The following DAPK2 variants were observed in gnomAD, a reference collection of about 807,000 sequenced individuals.
DAPK2 encodes the protein death associated protein kinase 2.
A neutral mutation model predicts 44.1 loss-of-function variants in DAPK2; 35 were observed. The observed-to-expected ratio is 0.79, with a 90% CI of 0.61 to 1.05. DAPK2 has a LOEUF of 1.05. DAPK2 is among the 50% of genes least tolerant of loss of function. The pLI, the probability that DAPK2 is intolerant of heterozygous loss-of-function variation, is 0.00. For missense variants in DAPK2, 453 were observed against 483.2 expected, an observed-to-expected ratio of 0.94 and a Z score of 0.59; for synonymous variants, 174 against 182.6, an observed-to-expected ratio of 0.95 and a Z score of 0.38.
intron 1 of DAPK2, among the ~76,000 whole-genome samples, chr15:64,033,956 C>T (rs570400549): frequency 2.0e-5 from 3 of 151,934 alleles, no homozygotes; most frequent in African/African-American, 7.2e-5. Flanking sequence ...CAAAGTCTAC[C>T]TGTGGGGTGT....
intron 1 of DAPK2, among the ~76,000 whole-genome samples, chr15:64,029,511 G>A (rs1055368106): frequency 1.3e-5 from 2 of 152,154 alleles, no homozygotes; most frequent in African/African-American, 4.8e-5. Flanking sequence ...CAGGGTGATA[G>A]CTTCCTCCTC....
intron 6 of DAPK2, 40 bp from the exon 8 acceptor site, chr15:63,926,133 G>T (rs1412384492): frequency 6.4e-7 from 1 of 1,568,210 alleles, no homozygotes; most frequent in South Asian, 1.2e-5. Flanking sequence ...CTAAGGGAAA[G>T]TAGGTGGAAA....
chr15:64,006,663 G>A (rs190367689), intron 1 of DAPK2, among the ~76,000 whole-genome samples: 2 of 152,286 alleles, frequency 1.3e-5, no homozygotes, highest in African/African-American at 4.8e-5. Context: ...TGGGGAAACT[G>A]AGGCCTAGCA....
upstream of DAPK2, among the ~76,000 whole-genome samples, chr15:64,043,698 T>A (rs1391016529): frequency 6.6e-6 from 1 of 152,220 alleles, no homozygotes; most frequent in African/African-American, 2.4e-5. Flanking sequence ...TTGTATGTGA[T>A]CAAAATTTTA....
intron 3 of DAPK2, among the ~76,000 whole-genome samples, chr15:63,960,294 A>G (rs2077854967): frequency 6.6e-6 from 1 of 152,152 alleles, no homozygotes. Context: ...ATCTTTTCAA[A>G]AAACCAGCTC....
upstream of DAPK2, among the ~76,000 whole-genome samples, chr15:64,044,827 C>T (rs1355309134): frequency 6.6e-6 from 1 of 152,188 alleles, no homozygotes; most frequent in Non-Finnish European, 1.5e-5. Flanking sequence ...GGGACCACAG[C>T]AAGAGGGCAG....
In DAPK2 at chr15:64,046,192, G is replaced by C. The variant is rs1293389333; in HGVS notation, c.-7+106C>G. ...GGCGGCGGGCCCGGGATCTGCGAGC[G>C]AGTGCCCCGGATCTCTTCGCCCCGC... On this transcript the variant is annotated intron_variant, in intron 1 of 11. Transcript: ENST00000457488. The surrounding 1 kb of genome is among the most constrained non-coding windows in gnomAD (Gnocchi z 5.3). The C allele has an allele frequency of 8.3e-6, 3 of 361,858 alleles. No homozygotes were observed. The highest frequency in any genetic ancestry group is 2.2e-4 in the South Asian group (2 of 9,268). The allele number at this position is 361,858 out of a possible 1,614,324, so 22.4% of individuals were successfully genotyped here. A position where few individuals can be genotyped will look rare whatever the true frequency, so the allele number is the denominator to read the frequency against.
chr15:63,944,136 A>G (rs1344347719), intron 3 of DAPK2, among the ~76,000 whole-genome samples: 2 of 152,012 alleles, frequency 1.3e-5, no homozygotes, highest in Non-Finnish European at 2.9e-5. Context: ...CAGGGCGAAC[A>G]CCCAAGCTGG....
At chr15:63,992,914 C>G (rs770172053) in intron 1 of DAPK2, among the ~76,000 whole-genome samples, 18 of 152,184 alleles carry the variant, frequency 1.2e-4, no homozygotes, top group Non-Finnish European at 2.1e-4. Context: ...GGAGACAGAA[C>G]CAAAGGATAA....
At chr15:63,936,482 G>A (rs1477823834) in intron 4 of DAPK2, among the ~76,000 whole-genome samples, 2 of 152,070 alleles carry the variant, frequency 1.3e-5, no homozygotes, top group African/African-American at 4.8e-5. Context: ...GTGGTGGTGG[G>A]TGCCTGTAAT....
At chr15:63,967,096 C>T (rs963505569) in intron 3 of DAPK2, among the ~76,000 whole-genome samples, 4 of 152,176 alleles carry the variant, frequency 2.6e-5, no homozygotes, top group South Asian at 2.1e-4. Context: ...AGAAGAATGG[C>T]GTGAACCTGG....
intron 3 of DAPK2, among the ~76,000 whole-genome samples, chr15:63,949,310 T>C (rs1336619389): frequency 6.6e-6 from 1 of 152,236 alleles, no homozygotes; most frequent in Non-Finnish European, 1.5e-5. Flanking sequence ...TCTGTCTCTA[T>C]ACTCTCATGG....
intron 2 of DAPK2, among the ~76,000 whole-genome samples, chr15:63,975,769 T>C (rs974676331): frequency 1.3e-5 from 2 of 152,136 alleles, no homozygotes; most frequent in Non-Finnish European, 2.9e-5. Flanking sequence ...CAGCTAATTT[T>C]TGTATTTTTA....
At chr15:63,915,578 T>G (rs1318724927) in intron 8 of DAPK2, among the ~76,000 whole-genome samples, 2 of 152,166 alleles carry the variant, frequency 1.3e-5, no homozygotes, top group African/African-American at 4.8e-5. Flanking sequence ...CTTGCAGGTG[T>G]GGGGAATCTC....
At chr15:63,922,219 C>G in intron 8 of DAPK2, 2 of 926,008 alleles carry the variant, frequency 2.2e-6, no homozygotes, top group Non-Finnish European at 2.6e-6. Flanking sequence ...ATTTGTCAGA[C>G]ATGAGTGCTT....
At chr15:63,920,162 G>A (rs373444821) in intron 8 of DAPK2, 17 of 152,234 alleles carry the variant, frequency 1.1e-4, no homozygotes, top group African/African-American at 4.1e-4. Context: ...GGAGAGGATA[G>A]TACTGTTTTT....
Position 64,046,233 on chromosome 15 carries a change from G to A in DAPK2, c.-7+65C>T, listed in dbSNP as rs2080459269. 1.4e-6 allele frequency: 1 copy of A among 700,040 alleles called. No homozygotes were observed. The highest frequency in any genetic ancestry group is 1.8e-6 in the Non-Finnish European group (1 of 568,978). The allele number at this position is 700,040 out of a possible 1,614,324, so 43.4% of individuals were successfully genotyped here. On this transcript the variant is annotated intron_variant, in intron 1 of 11. Coordinates refer to the DAPK2 transcript ENST00000457488. This position sits in a 1 kb window ranked among gnomAD's most constrained non-coding sequence, Gnocchi z 5.3. ...TTCGCCCCGCCAGCCCCAGACCCGGGCGCTGCTGCCGTCAGGCCGCGCGCC... is the reference window on the plus strand; with the variant it reads ...TTCGCCCCGCCAGCCCCAGACCCGGACGCTGCTGCCGTCAGGCCGCGCGCC...
intron 7 of DAPK2, 30 bp from the exon 9 acceptor site, chr15:63,924,891 T>A (rs1259115379): frequency 3.7e-6 from 6 of 1,613,198 alleles, no homozygotes; most frequent in Non-Finnish European, 4.2e-6. Flanking sequence ...ACAGTGATGA[T>A]CCATGAGGAC....
At chr15:63,959,771 G>A (rs542271232) in intron 3 of DAPK2, among the ~76,000 whole-genome samples, 32 of 152,326 alleles carry the variant, frequency 2.1e-4, no homozygotes, top group African/African-American at 7.7e-4. Flanking sequence ...ATTTTATTGA[G>A]GAGTTTTGCA....
Sources: allele counts gnomAD v4.1 joint callset (sites outside exome capture counted in the v4.1 genomes callset), GRCh38; gene constraint gnomAD v4.1.1; non-coding constraint Gnocchi (gnomAD v3.1); transcripts MANE v1.5; gene names NCBI Gene and HGNC (gene_info 2026-07-23, HGNC 2026-07-21).